The following SLC15A5 variants were observed in gnomAD, a reference collection of about 807,000 sequenced individuals.
SLC15A5 encodes the protein Peptide/histidine transporter ENSP00000340402.
SLC15A5 carries 58 observed loss-of-function variants against 56.1 expected under a neutral mutation model. That is an observed-to-expected ratio of 1.03 (90% CI 0.84 to 1.29). SLC15A5 has a LOEUF of 1.29. SLC15A5 is among the 50% of genes most tolerant of loss of function. The pLI, the probability that SLC15A5 is intolerant of heterozygous loss-of-function variation, is 0.00. For synonymous variants in SLC15A5, 264 were observed against 250.5 expected (o/e 1.05, Z -0.51); for missense variants, 681 against 672.1 (o/e 1.01, Z -0.15).
At chr12:16,192,570 A>T (rs1276855979) in intron 8 of SLC15A5, among the ~76,000 whole-genome samples, 1 of 152,052 alleles carries the variant, frequency 6.6e-6, no homozygotes, top group African/African-American at 2.4e-5. Context: ...TGTTAGCTCC[A>T]TGTAGACTAC....
chr12:16,261,682 A>T (rs1222645721), intron 2 of SLC15A5, among the ~76,000 whole-genome samples: 2 of 152,178 alleles, frequency 1.3e-5, no homozygotes, highest in Non-Finnish European at 2.9e-5. Flanking sequence ...ACATTTTTAC[A>T]TTATCACAAC....
At chr12:16,254,202 T>A (rs1913253) in intron 3 of SLC15A5, among the ~76,000 whole-genome samples, 84,326 of 151,702 alleles carry the variant, frequency 0.56, 24,012 homozygotes, top group African/African-American at 0.7. Context: ...GTGAGTAGTC[T>A]TAAAAGGACA....
At chr12:16,272,155 C>T (rs1021321040) in intron 2 of SLC15A5, among the ~76,000 whole-genome samples, 8 of 151,984 alleles carry the variant, frequency 5.3e-5, no homozygotes, top group Non-Finnish European at 7.4e-5. Context: ...CTAATAAAAC[C>T]GGAGAAGAGG....
chr12:16,277,152 A>T (rs112863752), intron 1 of SLC15A5, among the ~76,000 whole-genome samples, 173 bp downstream of exon 1: 56 of 152,130 alleles, frequency 3.7e-4, no homozygotes, highest in African/African-American at 1.3e-3. Flanking sequence ...ACACACACAG[A>T]CTTACTAGCA....
At position 16,235,249 on chromosome 12, in the gene SLC15A5, T is replaced by C. The variant is rs148462000; in HGVS notation, c.1162+4432A>G. ...TACAAAACACGACATGTTATAAGTA[T>C]ATATGTGTATATATATGTATATGTA... On this transcript the variant is annotated intron_variant, in intron 5 of 8. Transcript: ENST00000344941. This position sits in a 1 kb window ranked among gnomAD's most constrained non-coding sequence, Gnocchi z 4.1. Among the ~76,000 whole-genome samples the C allele has an allele frequency of 2.9e-3, 353 of 122,998 alleles. 8 individuals are homozygous for C. The East Asian group carries it at 0.036, about 12-fold the overall frequency. 80.7% of individuals were successfully genotyped at this position (122,998 alleles called of 152,430 possible).
chr12:16,261,107 T>C (rs1019256345), intron 2 of SLC15A5, among the ~76,000 whole-genome samples: 1 of 152,198 alleles, frequency 6.6e-6, no homozygotes, highest in Non-Finnish European at 1.5e-5. Flanking sequence ...AAACTGCATA[T>C]ATTTGAAGTG....
At chr12:16,216,813 G>A in intron 7 of SLC15A5, 80 bp downstream of exon 7, 2 of 1,261,112 alleles carry the variant, frequency 1.6e-6, no homozygotes, top group Non-Finnish European at 2.1e-6. Flanking sequence ...CACTGACAAA[G>A]CCCCTTTCTT....
At chr12:16,197,461 C>T (rs1863905061) in intron 7 of SLC15A5, among the ~76,000 whole-genome samples, 1 of 152,054 alleles carries the variant, frequency 6.6e-6, no homozygotes, top group Middle Eastern at 3.4e-3. Context: ...GTCAGGTAGA[C>T]TTTTAAAGTT....
At chr12:16,195,246 T>C (rs977874277) in intron 7 of SLC15A5, among the ~76,000 whole-genome samples, 3 of 152,122 alleles carry the variant, frequency 2.0e-5, no homozygotes, top group Non-Finnish European at 2.9e-5. Context: ...TCTGCCTCTG[T>C]CTCTATCTCT....
At chr12:16,226,711 C>T (rs1352227091) in intron 5 of SLC15A5, among the ~76,000 whole-genome samples, 2 of 152,110 alleles carry the variant, frequency 1.3e-5, no homozygotes, top group Non-Finnish European at 2.9e-5. Context: ...AGTGGTCAAA[C>T]TCTTCTCTTC....
At chr12:16,260,423 A>G (rs543204473) in intron 2 of SLC15A5, among the ~76,000 whole-genome samples, 63 of 151,708 alleles carry the variant, frequency 4.2e-4, no homozygotes, top group South Asian at 1.9e-3. Flanking sequence ...GGTTTTTTCA[A>G]TGTAAGAAGT....
intron 2 of SLC15A5, among the ~76,000 whole-genome samples, chr12:16,258,310 A>T (rs1300877589): frequency 6.6e-6 from 1 of 152,218 alleles, no homozygotes; most frequent in African/African-American, 2.4e-5. Context: ...TTTTCAAAGT[A>T]TAGGAAAACA....
rs1173291145 is a variant in SLC15A5, at chr12:16,205,622, C to CAT, written c.1484-11171_1484-11170dup. On this transcript the variant is annotated intron_variant, in intron 7 of 8. Coordinates refer to ENST00000344941, the MANE Select transcript of SLC15A5 (RefSeq NM_001170798.1). ...ACACACACACACACATATATATACACATATATATATACACATATATACACA... is the reference window on the plus strand; with the variant it reads ...ACACACACACACACATATATATACACATATATATATATACACATATATACACA... Among the ~76,000 whole-genome samples the CAT allele has an allele frequency of 1.9e-4, 22 of 115,064 alleles. 1 individual carries two copies. The highest frequency in any genetic ancestry group is 5.0e-4 in the African/African-American group (16 of 31,960). The allele number at this position is 115,064 out of a possible 152,430, so 75.5% of individuals were successfully genotyped here. A position where few individuals can be genotyped will look rare whatever the true frequency, so the allele number is the denominator to read the frequency against.
At chr12:16,270,675 A>G (rs1485613766) in intron 2 of SLC15A5, among the ~76,000 whole-genome samples, 1 of 152,190 alleles carries the variant, frequency 6.6e-6, no homozygotes, top group Non-Finnish European at 1.5e-5. Context: ...TGGGGCTCTG[A>G]GGAATTAAGG....
intron 7 of SLC15A5, among the ~76,000 whole-genome samples, chr12:16,198,743 T>C (rs929521914): frequency 6.6e-6 from 1 of 152,190 alleles, no homozygotes; most frequent in Admixed American, 6.6e-5. Context: ...CAATTTACAC[T>C]AAATTTAAAG....
chr12:16,257,644 T>A, intron 3 of SLC15A5, 57 bp downstream of exon 3: 1 of 1,248,626 alleles, frequency 8.0e-7, no homozygotes, highest in Non-Finnish European at 1.0e-6. Flanking sequence ...AGAGAAAGGA[T>A]ATCTGTCAAG....
At chr12:16,277,236 A>C in intron 1 of SLC15A5, 89 bp downstream of exon 1, 1 of 1,229,784 alleles carries the variant, frequency 8.1e-7, no homozygotes, top group South Asian at 1.6e-5. Context: ...TTATGCTAAG[A>C]GCAGAGTGAA....
chr12:16,272,829 G>A (rs1163134107), intron 1 of SLC15A5, 46 bp from the exon 2 acceptor site: 8 of 1,461,994 alleles, frequency 5.5e-6, no homozygotes, highest in African/African-American at 1.4e-5. Flanking sequence ...TAGAACAAGT[G>A]GATCACCAAA....
Position 16,241,062 on chromosome 12 carries a change from C to G in SLC15A5, c.976-1195G>C, listed in dbSNP as rs1029719168. Among the ~76,000 whole-genome samples the G allele has an allele frequency of 2.6e-5, 4 of 152,270 alleles. No individual in the cohort carries two copies. In the South Asian group the frequency reaches 6.2e-4, roughly 24 times the overall value. On this transcript the variant is annotated intron_variant, in intron 4 of 8. Coordinates refer to ENST00000344941, the MANE Select transcript of SLC15A5 (RefSeq NM_001170798.1). ...TCTCCTGACCTCGTGATCTGCCTGC[C>G]TCAGCCTCTCAAAGTGCTGGGATTA...
Sources: allele counts gnomAD v4.1 joint callset (sites outside exome capture counted in the v4.1 genomes callset), GRCh38; gene constraint gnomAD v4.1.1; non-coding constraint Gnocchi (gnomAD v3.1); transcripts MANE v1.5; gene names NCBI Gene and HGNC (gene_info 2026-07-23, HGNC 2026-07-21).